The following C1orf122 variants were observed in gnomAD, a reference collection of about 807,000 sequenced individuals.
The protein encoded by C1orf122 is uncharacterized protein C1orf122.
Under a neutral mutation model 12.9 loss-of-function variants are expected in C1orf122, and 12 were observed. The ratio of observed to expected loss-of-function variants is 0.93; its 90% CI spans 0.60 to 1.51. The LOEUF (loss-of-function observed/expected upper bound fraction) is 1.51, where lower values mean the gene tolerates loss of function less well. C1orf122 is among the 40% of genes most tolerant of loss of function. The pLI, the probability that C1orf122 is intolerant of heterozygous loss-of-function variation, is 0.00. For synonymous variants in C1orf122, 57 were observed against 73.4 expected (o/e 0.78, Z 1.14); for missense variants, 144 against 162.1 (o/e 0.89, Z 0.61).
At chr1:37,808,945 C>CA in intron 2 of C1orf122, 33 bp from the exon 3 acceptor site, 1 of 1,601,978 alleles carries the variant, frequency 6.2e-7, no homozygotes, top group Non-Finnish European at 8.5e-7. Context: ...CCTTGCCTCC[C>CA]AGCCTCACTT....
Position 37,807,826 on chromosome 1 carries a change from C to T in C1orf122, c.-579C>T. 1.3e-6 allele frequency: 2 copies of T among 1,511,590 alleles called. No homozygotes were observed. Among genetic ancestry groups the T allele is most frequent in the Non-Finnish European group, 1.8e-6 (2 of 1,134,938 alleles). The allele number at this position is 1,511,590 out of a possible 1,614,324, so 93.6% of individuals were successfully genotyped here. A position where few individuals can be genotyped will look rare whatever the true frequency, so the allele number is the denominator to read the frequency against. On this transcript the variant is annotated 5_prime_UTR_variant, in exon 1 of 3. Coordinates refer to ENST00000373042, the MANE Select transcript of C1orf122 (RefSeq NM_198446.3). Reference sequence around the variant, plus strand: ...TCGGCCACGCGGCCGAGGCATACGGCCAGAGGCTTGGCCTCGCTGCGACCC... The same window carrying T: ...TCGGCCACGCGGCCGAGGCATACGGTCAGAGGCTTGGCCTCGCTGCGACCC...
In C1orf122 at chr1:37,808,392, C is replaced by G; in HGVS notation, c.-13C>G. On this transcript the variant is annotated 5_prime_UTR_variant, in exon 1 of 3. Transcript: ENST00000373042. ...GCCGAAAGGGGGGCGGTGGTCGGGC[C>G]GCGCAAGCGGAGATGGAATGGGGCC... is the stretch of plus-strand genomic sequence containing the variant. 1.6e-6 allele frequency: 2 copies of G among 1,285,562 alleles called. No individual in the cohort carries two copies. Among genetic ancestry groups the G allele is most frequent in the South Asian group, 5.0e-5 (2 of 40,334 alleles). The allele number at this position is 1,285,562 out of a possible 1,614,324, so 79.6% of individuals were successfully genotyped here.
At chr1:37,808,822 A>T (rs1378099795) in intron 2 of C1orf122, 90 bp downstream of exon 2, 12 of 1,453,192 alleles carry the variant, frequency 8.3e-6, no homozygotes, top group South Asian at 8.2e-5. Flanking sequence ...GGAGGGGGGA[A>T]GTATGTCTCC....
rs1030480516 is a variant in C1orf122 at position 37,809,003 on chromosome 1, C to A, written c.263C>A (p.Pro88His). The A allele has an allele frequency of 3.7e-6, 6 of 1,613,706 alleles. No homozygotes were observed. Among genetic ancestry groups the A allele is most frequent in the Non-Finnish European group, 5.1e-6 (6 of 1,180,008 alleles). ...GGNVSAKPGA[P>H]PQPAVSARGG... ...AACGTCTCAGCCAAACCTGGAGCGC[C>A]CCCCCAGCCGGCTGTCTCCGCCAGA... is the stretch of plus-strand genomic sequence containing the variant. The change falls in exon 3 of 3, where the codon CCC (proline) becomes CAC (histidine). Residue 88 changes from proline (P) to histidine (H), a missense_variant. Coordinates refer to ENST00000373042, the MANE Select transcript of C1orf122 (RefSeq NM_198446.3).
Position 37,808,219 on chromosome 1 carries a change from G to T in C1orf122, c.-186G>T. 1.4e-6 allele frequency: 2 copies of T among 1,400,740 alleles called. No homozygotes were observed. The highest frequency in any genetic ancestry group is 1.5e-5 in the South Asian group (1 of 66,942). The allele number at this position is 1,400,740 out of a possible 1,614,324, so 86.8% of individuals were successfully genotyped here. ...CTTCCGGGAGGAAGTGACGCTCCCA[G>T]CCAGCTTCCGGTCCAGGAGACTCGG... On this transcript the variant is annotated 5_prime_UTR_variant, in exon 1 of 3. Transcript: ENST00000373042.
At position 37,807,803 on chromosome 1, in the gene C1orf122, G is replaced by C. The variant is rs1395481302; in HGVS notation, c.-602G>C. The stretch of plus-strand genomic sequence containing the variant: ...CGGGGCGGCCTTACCTGTAGACGTC[G>C]GCCACGCGGCCGAGGCATACGGCCA... On this transcript the variant is annotated 5_prime_UTR_variant, in exon 1 of 3. Transcript: ENST00000373042. 3 of 1,509,192 alleles carry C rather than the reference G, an allele frequency of 2.0e-6. No individual in the cohort carries two copies. The South Asian group carries it at 3.6e-5, about 18-fold the overall frequency. The allele number at this position is 1,509,192 out of a possible 1,614,324, so 93.5% of individuals were successfully genotyped here.
Position 37,808,400 on chromosome 1 carries a change from C to T in C1orf122, c.-5C>T. 3 of 1,284,290 alleles carry T rather than the reference C, an allele frequency of 2.3e-6. No individual in the cohort carries two copies. The highest frequency in any genetic ancestry group is 2.9e-6 in the Non-Finnish European group (3 of 1,017,060). 79.6% of individuals were successfully genotyped at this position (1,284,290 alleles called of 1,614,324 possible). On this transcript the variant is annotated 5_prime_UTR_variant, in exon 1 of 3. Transcript: ENST00000373042. ...GGGGGCGGTGGTCGGGCCGCGCAAG[C>T]GGAGATGGAATGGGGCCCGGGCTCA...
Position 37,808,625 on chromosome 1 carries a change from C to T in C1orf122, c.130C>T (p.Leu44=), listed in dbSNP as rs1011192802. 4.6e-6 allele frequency: 6 copies of T among 1,316,612 alleles called. No homozygotes were observed. Among genetic ancestry groups the T allele is most frequent in the Non-Finnish European group, 5.8e-6 (6 of 1,035,200 alleles). 81.6% of individuals were successfully genotyped at this position (1,316,612 alleles called of 1,614,324 possible). The change falls in exon 2 of 3, where the codon CTG becomes TTG. Residue 44 remains leucine, a synonymous_variant. Coordinates refer to ENST00000373042, the MANE Select transcript of C1orf122 (RefSeq NM_198446.3). ...PPREERAQQL[L]DAVEQRQRQL... is the part of the protein sequence containing the mutation. Reference sequence around the variant, plus strand: ...CCGGGAGGAGCGCGCCCAGCAGCTGCTGGACGCGGTGGAGCAGCGGCAGCG... The same window carrying T: ...CCGGGAGGAGCGCGCCCAGCAGCTGTTGGACGCGGTGGAGCAGCGGCAGCG...
In C1orf122 at chr1:37,807,791, C is replaced by T; in HGVS notation, c.-614C>T. On this transcript the variant is annotated 5_prime_UTR_variant, in exon 1 of 3. Coordinates refer to ENST00000373042, the MANE Select transcript of C1orf122 (RefSeq NM_198446.3). ...GCGGGGCCGGGTCGGGGCGGCCTTA[C>T]CTGTAGACGTCGGCCACGCGGCCGA... 6.6e-7 allele frequency: 1 copy of T among 1,509,446 alleles called. No individual in the cohort carries two copies. Among genetic ancestry groups the T allele is most frequent in the Non-Finnish European group, 8.8e-7 (1 of 1,133,384 alleles). The allele number at this position is 1,509,446 out of a possible 1,614,324, so 93.5% of individuals were successfully genotyped here. A position where few individuals can be genotyped will look rare whatever the true frequency, so the allele number is the denominator to read the frequency against.
chr1:37,808,875 G>C, intron 2 of C1orf122, 103 bp from the exon 3 acceptor site: 10 of 1,463,096 alleles, frequency 6.8e-6, no homozygotes, highest in Non-Finnish European at 9.2e-6. Flanking sequence ...GAGAGGTTTC[G>C]AAAAAGTTAA....
At position 37,808,601 on chromosome 1, in the gene C1orf122, CG is replaced by C; in HGVS notation, c.109del (p.Glu37ArgfsTer95). Reference sequence around the variant, plus strand: ...CGGGAGGCCACCCCCACAGCCGCCCCGGGAGGAGCGCGCCCAGCAGCTGCTG... The same window carrying C: ...CGGGAGGCCACCCCCACAGCCGCCCCGGAGGAGCGCGCCCAGCAGCTGCTG... ...LGGRPPPQPPREERAQQLLDA... is the reference protein window; with the variant it reads ...LGGRPPPQPPXEERAQQLLDA... On this transcript the variant is annotated frameshift_variant, in exon 2 of 3. Transcript: ENST00000373042. LOFTEE classifies it high-confidence loss of function. The C allele has an allele frequency of 2.3e-6, 3 of 1,303,748 alleles. No individual in the cohort carries two copies. The highest frequency in any genetic ancestry group is 2.9e-6 in the Non-Finnish European group (3 of 1,028,042). The allele number at this position is 1,303,748 out of a possible 1,614,324, so 80.8% of individuals were successfully genotyped here. A position where few individuals can be genotyped will look rare whatever the true frequency, so the allele number is the denominator to read the frequency against.
Position 37,808,212 on chromosome 1 carries a change from G to A in C1orf122, c.-193G>A. ...AGGCCCGCTTCCGGGAGGAAGTGACGCTCCCAGCCAGCTTCCGGTCCAGGA... is the reference window on the plus strand; with the variant it reads ...AGGCCCGCTTCCGGGAGGAAGTGACACTCCCAGCCAGCTTCCGGTCCAGGA... On this transcript the variant is annotated 5_prime_UTR_variant, in exon 1 of 3. Coordinates refer to ENST00000373042, the MANE Select transcript of C1orf122 (RefSeq NM_198446.3). 1 of 1,406,028 alleles carries A rather than the reference G, an allele frequency of 7.1e-7. No individual in the cohort carries two copies. The allele number at this position is 1,406,028 out of a possible 1,614,324, so 87.1% of individuals were successfully genotyped here.
intron 2 of C1orf122, 65 bp downstream of exon 2, chr1:37,808,797 G>A: frequency 1.4e-6 from 2 of 1,468,942 alleles, no homozygotes; most frequent in Non-Finnish European, 1.8e-6. Flanking sequence ...GGCTGGCCAA[G>A]CCCTAGCTTA....
rs1557581123 is a variant in C1orf122, at chr1:37,809,387, T to A, written c.*314T>A. 2 of 409,122 alleles carry A rather than the reference T, an allele frequency of 4.9e-6. 1 individual carries two copies. Among genetic ancestry groups the A allele is most frequent in the South Asian group, 4.5e-5 (2 of 44,852 alleles). 25.3% of individuals were successfully genotyped at this position (409,122 alleles called of 1,614,324 possible). A position where few individuals can be genotyped will look rare whatever the true frequency, so the allele number is the denominator to read the frequency against. ...TGGTGTTACATGTCCATTTCATGTT[T>A]TGGGGGCTTTTAGCCCCACAAAACA... On this transcript the variant is annotated 3_prime_UTR_variant, in exon 3 of 3. Coordinates refer to ENST00000373042, the MANE Select transcript of C1orf122 (RefSeq NM_198446.3).
In C1orf122 at chr1:37,808,221, C is replaced by T; in HGVS notation, c.-184C>T. The T allele has an allele frequency of 7.1e-7, 1 of 1,399,616 alleles. No individual in the cohort carries two copies. The highest frequency in any genetic ancestry group is 9.3e-7 in the Non-Finnish European group (1 of 1,080,968). 86.7% of individuals were successfully genotyped at this position (1,399,616 alleles called of 1,614,324 possible). ...TCCGGGAGGAAGTGACGCTCCCAGC[C>T]AGCTTCCGGTCCAGGAGACTCGGCC... On this transcript the variant is annotated 5_prime_UTR_variant, in exon 1 of 3. Coordinates refer to ENST00000373042, the MANE Select transcript of C1orf122 (RefSeq NM_198446.3).
In C1orf122 at chr1:37,807,851, C is replaced by T; in HGVS notation, c.-554C>T. ...CCAGAGGCTTGGCCTCGCTGCGACC[C>T]TTGAGGCGGTACACAGCGCGCAGAG... On this transcript the variant is annotated 5_prime_UTR_variant, in exon 1 of 3. Transcript: ENST00000373042. 1 of 1,505,794 alleles carries T rather than the reference C, an allele frequency of 6.6e-7. No homozygotes were observed. The allele number at this position is 1,505,794 out of a possible 1,614,324, so 93.3% of individuals were successfully genotyped here.
In C1orf122 at chr1:37,809,058, AGCT is replaced by A. The variant is rs748615522; in HGVS notation, c.321_323del (p.Ala108del). The A allele has an allele frequency of 8.7e-6, 14 of 1,613,846 alleles. No homozygotes were observed. Among genetic ancestry groups the A allele is most frequent in the Middle Eastern group, 3.3e-4 (2 of 6,082 alleles). ...GCTTTCCAAAGGATGCTGGCGATGGAGCTGCGGAGCCCTGACCATCCCCGAGCA... is the reference window on the plus strand; with the variant it reads ...GCTTTCCAAAGGATGCTGGCGATGGAGCGGAGCCCTGACCATCCCCGAGCA... On this transcript the variant is annotated inframe_deletion, in exon 3 of 3. Transcript: ENST00000373042.
In C1orf122 at chr1:37,807,877, C is replaced by G; in HGVS notation, c.-528C>G. 6.8e-7 allele frequency: 1 copy of G among 1,462,300 alleles called. No individual in the cohort carries two copies. Among genetic ancestry groups the G allele is most frequent in the South Asian group, 1.3e-5 (1 of 79,046 alleles). The allele number at this position is 1,462,300 out of a possible 1,614,324, so 90.6% of individuals were successfully genotyped here. A position where few individuals can be genotyped will look rare whatever the true frequency, so the allele number is the denominator to read the frequency against. The stretch of plus-strand genomic sequence containing the variant: ...TTGAGGCGGTACACAGCGCGCAGAG[C>G]CGCCGAGCAGCTCGCCGCGCAGGCC... On this transcript the variant is annotated 5_prime_UTR_variant, in exon 1 of 3. Coordinates refer to ENST00000373042, the MANE Select transcript of C1orf122 (RefSeq NM_198446.3).
rs1189213710 is a variant in C1orf122 at position 37,808,225 on chromosome 1, T to G, written c.-180T>G. The G allele has an allele frequency of 7.2e-7, 1 of 1,395,952 alleles. No homozygotes were observed. The highest frequency in any genetic ancestry group is 9.3e-7 in the Non-Finnish European group (1 of 1,078,972). The allele number at this position is 1,395,952 out of a possible 1,614,324, so 86.5% of individuals were successfully genotyped here. A position where few individuals can be genotyped will look rare whatever the true frequency, so the allele number is the denominator to read the frequency against. ...GGAGGAAGTGACGCTCCCAGCCAGC[T>G]TCCGGTCCAGGAGACTCGGCCCCGC... On this transcript the variant is annotated 5_prime_UTR_variant, in exon 1 of 3. Transcript: ENST00000373042.
Sources: allele counts gnomAD v4.1 joint callset, GRCh38; gene constraint gnomAD v4.1.1; transcripts MANE v1.5; gene names NCBI Gene and HGNC (gene_info 2026-07-23, HGNC 2026-07-21).